The following FNBP4 variants were observed in gnomAD, a reference collection of about 807,000 sequenced individuals.
FNBP4 encodes formin binding protein 4.
In FNBP4, 34 loss-of-function variants were observed where a neutral mutation model predicts 119.3. That is an observed-to-expected ratio of 0.28 (90% confidence interval 0.22 to 0.38). FNBP4 has a LOEUF of 0.38. Ranked by LOEUF, FNBP4 falls within the 10% of genes least tolerant of loss-of-function variation. FNBP4 has a pLI of 1.00. For synonymous variants in FNBP4, 462 were observed against 430.6 expected, an observed-to-expected ratio of 1.07 and a Z score of -0.90; for missense variants, 1,112 against 1,228.9, an observed-to-expected ratio of 0.90 and a Z score of 1.42.
In FNBP4 at chr11:47,724,486, G is replaced by A; in HGVS notation, c.2301C>T (p.Thr767=). ...TACTTACCTGGCTAGTTACAACTGT[G>A]GTTTGTGCTGAAGGTTTCAAAGGGG... ...EDTPLKPSAQ[T]TVVTSQSSVD... The change falls in exon 13 of 17, where the codon ACC becomes ACT. Residue 767 remains threonine (T), a synonymous_variant. Coordinates refer to ENST00000263773, the MANE Select transcript of FNBP4 (RefSeq NM_015308.5). 1 of 1,614,216 alleles carries A rather than the reference G, an allele frequency of 6.2e-7. No individual in the cohort carries two copies. The highest frequency in any genetic ancestry group is 8.5e-7 in the Non-Finnish European group (1 of 1,180,030).
At chr11:47,763,135 T>C (rs1033469763) in intron 2 of FNBP4, among the ~76,000 whole-genome samples, 3 of 151,792 alleles carry the variant, frequency 2.0e-5, no homozygotes, top group Non-Finnish European at 4.4e-5. Context: ...AACCCTAGAG[T>C]TGTAAGAACA....
At chr11:47,745,196 T>C (rs2097588013) in intron 7 of FNBP4, among the ~76,000 whole-genome samples, 1 of 152,128 alleles carries the variant, frequency 6.6e-6, no homozygotes, top group African/African-American at 2.4e-5. Flanking sequence ...GTAACAGTGA[T>C]TTTTAGGGAA....
Position 47,736,779 on chromosome 11 carries a change from T to C in FNBP4, c.1457-39A>G, listed in dbSNP as rs754952892. The C allele has an allele frequency of 3.5e-5, 54 of 1,546,774 alleles. 1 individual carries two copies. In the South Asian group the frequency reaches 5.7e-4, roughly 16 times the overall value. Reference sequence around the variant, plus strand: ...ATGTAAAATTAAACCAAAGTACCAATACTTATAGAACACTATATACCTTTT... The same window carrying C: ...ATGTAAAATTAAACCAAAGTACCAACACTTATAGAACACTATATACCTTTT... On this transcript the variant is annotated intron_variant, in intron 8 of 16. Transcript: ENST00000263773.
intron 15 of FNBP4, 106 bp downstream of exon 15, chr11:47,722,870 C>T: frequency 7.7e-7 from 1 of 1,306,708 alleles, no homozygotes. Flanking sequence ...GGATTACAGG[C>T]TTAAGCCACA....
chr11:47,739,357 A>C (rs1210631101), intron 8 of FNBP4, among the ~76,000 whole-genome samples: 2 of 152,150 alleles, frequency 1.3e-5, no homozygotes, highest in South Asian at 2.1e-4. Flanking sequence ...CCCATTTATT[A>C]ATTTTTAATG....
intron 4 of FNBP4, 35 bp from the exon 5 acceptor site, chr11:47,751,325 T>G: frequency 6.2e-7 from 1 of 1,611,954 alleles, no homozygotes; most frequent in Non-Finnish European, 8.5e-7. Context: ...CACAAATCCC[T>G]CTACAATTCT....
chr11:47,752,722 G>A (rs1299137662), intron 4 of FNBP4, 194 bp downstream of exon 4: 3 of 491,124 alleles, frequency 6.1e-6, no homozygotes, highest in Non-Finnish European at 1.1e-5. Flanking sequence ...GCTGAGGGAG[G>A]AGAACTGTCT....
intron 12 of FNBP4, chr11:47,729,732 T>C: frequency 1.0e-6 from 1 of 985,444 alleles, no homozygotes; most frequent in Non-Finnish European, 1.2e-6. Context: ...TTTTGTTTTT[T>C]CTCTTCTTTA....
chr11:47,767,132 C>T lies in FNBP4; in HGVS notation c.157G>A (p.Ala53Thr). 1 of 1,542,358 alleles carries T rather than the reference C, an allele frequency of 6.5e-7. No individual in the cohort carries two copies. Among genetic ancestry groups the T allele is most frequent in the South Asian group, 1.2e-5 (1 of 84,148 alleles). Residue 53 changes from alanine to threonine, a missense_variant, in exon 1 of 17, where the codon GCG becomes ACG. By Grantham distance (58) the Ala-to-Thr change is moderately conservative. Around this residue, in one of 2 missense-constraint regions of FNBP4, gnomAD observed 286 missense variants for 240.1 expected, o/e 1.19. Coordinates refer to ENST00000263773, the MANE Select transcript of FNBP4 (RefSeq NM_015308.5). Reference sequence around the variant, plus strand: ...ACCGCGGTGGTGGTGGTCGTCGCCGCCGACGGGGCGGGCTGGCTGGGGACC... The same window carrying T: ...ACCGCGGTGGTGGTGGTCGTCGCCGTCGACGGGGCGGGCTGGCTGGGGACC... The part of the protein sequence containing the change: ...AAVPSQPAPS[A>T]ATTTTTAVTA...
chr11:47,767,121 G>C lies in FNBP4; in HGVS notation c.168C>G (p.Thr56=), dbSNP rs2135313360. The change falls in exon 1 of 17, where the codon ACC becomes ACG. Residue 56 remains threonine, a synonymous_variant. Coordinates refer to ENST00000263773, the MANE Select transcript of FNBP4 (RefSeq NM_015308.5). ...PSQPAPSAAT[T]TTTAVTAAAA... is the part of the protein sequence containing the mutation. Reference sequence around the variant, plus strand: ...CGGCGGCAGTCACCGCGGTGGTGGTGGTCGTCGCCGCCGACGGGGCGGGCT... The same window carrying C: ...CGGCGGCAGTCACCGCGGTGGTGGTCGTCGTCGCCGCCGACGGGGCGGGCT... 1 of 1,454,406 alleles carries C rather than the reference G, an allele frequency of 6.9e-7. No individual in the cohort carries two copies. The highest frequency in any genetic ancestry group is 9.3e-7 in the Non-Finnish European group (1 of 1,078,594). The allele number at this position is 1,454,406 out of a possible 1,614,324, so 90.1% of individuals were successfully genotyped here.
In FNBP4 at chr11:47,724,764, C is replaced by G; in HGVS notation, c.2023G>C (p.Glu675Gln). Reference sequence around the variant, plus strand: ...GAAGAAACTTGACCAGAAAAGGATTCTTTACAAAGAGAACCTATGAAAACA... The same window carrying G: ...GAAGAAACTTGACCAGAAAAGGATTGTTTACAAAGAGAACCTATGAAAACA... Reference protein sequence around the residue: ...SETSTGSLCKESFSGQVSSSS... With the variant: ...SETSTGSLCKQSFSGQVSSSS... The change falls in exon 13 of 17, where the codon GAA becomes CAA. Residue 675 changes from glutamate to glutamine, a missense_variant. This residue lies in a region of FNBP4 where 826 missense variants were observed against 988.8 expected (regional missense o/e 0.84). Coordinates refer to ENST00000263773, the MANE Select transcript of FNBP4 (RefSeq NM_015308.5). 6.4e-7 allele frequency: 1 copy of G among 1,554,768 alleles called. No individual in the cohort carries two copies. Among genetic ancestry groups the G allele is most frequent in the African/African-American group, 1.4e-5 (1 of 72,780 alleles).
At chr11:47,757,824 T>C (rs1599255789) in intron 2 of FNBP4, among the ~76,000 whole-genome samples, 1 of 130,296 alleles carries the variant, frequency 7.7e-6, no homozygotes, top group Middle Eastern at 3.9e-3. Flanking sequence ...GTTTGATTTG[T>C]TTATGTATAT....
At position 47,722,970 on chromosome 11, in the gene FNBP4, T is replaced by C. The variant is rs1466728105; in HGVS notation, c.2805+6A>G. ...ATAAATTTTTAAAAAGGGAAATTTA[T>C]TATACCTTGTCTTTCCTTCCTTTTT... On this transcript the variant is annotated splice_donor_region_variant and intron_variant, in intron 15 of 16. Coordinates refer to ENST00000263773, the MANE Select transcript of FNBP4 (RefSeq NM_015308.5). The C allele has an allele frequency of 4.6e-6, 7 of 1,508,798 alleles. No homozygotes were observed. The highest frequency in any genetic ancestry group is 6.2e-6 in the Non-Finnish European group (7 of 1,134,412). 93.5% of individuals were successfully genotyped at this position (1,508,798 alleles called of 1,614,324 possible). A position where few individuals can be genotyped will look rare whatever the true frequency, so the allele number is the denominator to read the frequency against.
intron 8 of FNBP4, among the ~76,000 whole-genome samples, chr11:47,738,941 G>A (rs370469289): frequency 1.4e-5 from 2 of 143,756 alleles, no homozygotes; most frequent in East Asian, 2.1e-4. Context: ...CTGGCCTCAA[G>A]TGATTTGTCC....
chr11:47,725,201 AC>A, intron 12 of FNBP4: 1 of 155,652 alleles, frequency 6.4e-6, no homozygotes, highest in East Asian at 1.9e-4. Context: ...TTCAACATAC[AC>A]AAATAAAAGG....
At chr11:47,723,445 C>T (rs768135010) in intron 14 of FNBP4, 129 bp from the exon 15 acceptor site, 14 of 1,410,592 alleles carry the variant, frequency 9.9e-6, no homozygotes, top group African/African-American at 2.9e-5. Flanking sequence ...AAAAGCATAG[C>T]CATATTTGCT....
At chr11:47,738,400 C>T (rs968388475) in intron 8 of FNBP4, among the ~76,000 whole-genome samples, 1 of 151,952 alleles carries the variant, frequency 6.6e-6, no homozygotes, top group African/African-American at 2.4e-5. Flanking sequence ...CCTGCCTCTA[C>T]TAAAAATACA....
chr11:47,743,443 T>C (rs987044129), intron 8 of FNBP4, among the ~76,000 whole-genome samples: 1 of 151,888 alleles, frequency 6.6e-6, no homozygotes, highest in African/African-American at 2.4e-5. Flanking sequence ...AGATCATGCC[T>C]TTGTACTCCA....
chr11:47,724,800 A>T (rs1385435501), intron 12 of FNBP4, 22 bp from the exon 13 acceptor site: 1 of 1,523,206 alleles, frequency 6.6e-7, no homozygotes, highest in South Asian at 1.3e-5. Flanking sequence ...GGTAAGAGTC[A>T]GGGAAAAAGC....
Sources: gnomAD v4.1 joint callset for allele counts (sites outside exome capture counted in the v4.1 genomes callset) on GRCh38, gnomAD v4.1.1 for gene constraint, gnomAD v4.1.1 regional missense constraint, MANE v1.5 for transcripts, NCBI Gene and HGNC (gene_info 2026-07-23, HGNC 2026-07-21) for gene names.